NRXN3: variants seen among roughly 807,000 people sequenced by gnomAD.
NRXN3 encodes neurexin 3.
NRXN3 carries 32 observed loss-of-function variants against 137.6 expected under a neutral mutation model. That is an observed-to-expected ratio of 0.23 (90% CI 0.18 to 0.31). NRXN3 has a LOEUF of 0.31. Ranked by LOEUF, NRXN3 falls within the 10% of genes least tolerant of loss-of-function variation. The pLI is 1.00. For missense variants in NRXN3, 1,574 were observed against 2,062.5 expected, an observed-to-expected ratio of 0.76 and a Z score of 4.59; for synonymous variants, 798 against 784.5, an observed-to-expected ratio of 1.02 and a Z score of -0.29.
At chr14:79,672,998 A>G (rs2098618557) in intron 17 of NRXN3, among the ~76,000 whole-genome samples, 1 of 152,088 alleles carries the variant, frequency 6.6e-6, no homozygotes, top group Non-Finnish European at 1.5e-5. Context: ...ATACTTCTAT[A>G]AAGCAGAGAA....
chr14:79,586,274 A>C (rs1423671293), intron 16 of NRXN3, among the ~76,000 whole-genome samples: 2 of 152,260 alleles, frequency 1.3e-5, no homozygotes, highest in African/African-American at 4.8e-5. Context: ...TTTTATATGT[A>C]ATCATCTTGC....
chr14:78,709,177 A>G (rs772493387), intron 6 of NRXN3, 40 bp from the exon 7 acceptor site: 1 of 1,570,232 alleles, frequency 6.4e-7, no homozygotes, highest in Non-Finnish European at 8.6e-7. Context: ...TACTGTTTGC[A>G]AGATTGATTC....
chr14:79,467,817 T>C (rs573169363), intron 16 of NRXN3, among the ~76,000 whole-genome samples: 1 of 152,304 alleles, frequency 6.6e-6, no homozygotes, highest in South Asian at 2.1e-4. Flanking sequence ...TAGTAAATAT[T>C]TTGGACTTTG....
rs200030581 is a variant in NRXN3, at chr14:79,034,387, G to GA, written c.3262+46246_3262+46247insA. 9.8e-3 allele frequency among the ~76,000 whole-genome samples: 709 copies of GA among 72,118 alleles called. 6 individuals are homozygous for GA. Among genetic ancestry groups the GA allele is most frequent in the African/African-American group, 0.037 (658 of 17,616 alleles). 47.3% of individuals were successfully genotyped at this position (72,118 alleles called of 152,430 possible). A position where few individuals can be genotyped will look rare whatever the true frequency, so the allele number is the denominator to read the frequency against. ...ACACACACACACACACAGGTTTTTT[G>GA]GAAAAAAAACATGTTAAGAGAAGAC... On this transcript the variant is annotated intron_variant, in intron 15 of 20. Transcript: ENST00000335750.
At chr14:79,431,790 C>T (rs187898022) in intron 15 of NRXN3, among the ~76,000 whole-genome samples, 93 of 152,174 alleles carry the variant, frequency 6.1e-4, no homozygotes, top group African/African-American at 1.8e-3. Flanking sequence ...AAAAACTCTA[C>T]GCAGTATTAA....
At chr14:78,393,840 A>G (rs891870756) in intron 4 of NRXN3, among the ~76,000 whole-genome samples, 3 of 151,982 alleles carry the variant, frequency 2.0e-5, no homozygotes, top group Non-Finnish European at 4.4e-5. Flanking sequence ...TTTATATCTA[A>G]GTGCTTTAAG....
intron 6 of NRXN3, among the ~76,000 whole-genome samples, chr14:78,694,603 G>A (rs12890230): frequency 0.13 from 19,758 of 151,804 alleles, 1,636 homozygotes; most frequent in African/African-American, 0.2. Flanking sequence ...AAGTTATGGT[G>A]CCTTATGAGA....
At chr14:79,524,383 A>T (rs894608131) in intron 16 of NRXN3, among the ~76,000 whole-genome samples, 1 of 152,158 alleles carries the variant, frequency 6.6e-6, no homozygotes, top group African/African-American at 2.4e-5. Flanking sequence ...TTCTAAGTGG[A>T]CCTTACTTCT....
chr14:78,225,175 A>C (rs1235794981), intron 1 of NRXN3, among the ~76,000 whole-genome samples: 2 of 152,218 alleles, frequency 1.3e-5, no homozygotes, highest in African/African-American at 4.8e-5. Context: ...GAATCACCAC[A>C]CTGACTTCCA....
chr14:78,849,283 A>G (rs1333128700), intron 10 of NRXN3, among the ~76,000 whole-genome samples: 1 of 152,112 alleles, frequency 6.6e-6, no homozygotes, highest in African/African-American at 2.4e-5. Context: ...ATACACAAAC[A>G]TTATCTAAAT....
chr14:78,439,448 T>C (rs575446560), intron 4 of NRXN3, among the ~76,000 whole-genome samples: 1 of 152,274 alleles, frequency 6.6e-6, no homozygotes, highest in African/African-American at 2.4e-5. Context: ...TCTTTGGGAA[T>C]TGTCTTTTTT....
chr14:79,627,564 A>G (rs976379060), intron 16 of NRXN3, among the ~76,000 whole-genome samples: 2 of 152,166 alleles, frequency 1.3e-5, no homozygotes, highest in African/African-American at 4.8e-5. Flanking sequence ...AATTTGTGTT[A>G]TCTGTCATTA....
intron 19 of NRXN3, among the ~76,000 whole-genome samples, chr14:79,748,998 G>T (rs2098988482): frequency 6.6e-6 from 1 of 152,060 alleles, no homozygotes; most frequent in Non-Finnish European, 1.5e-5. Flanking sequence ...GAAGCTGATG[G>T]TATTTTTTTT....
At chr14:78,409,177 A>G (rs2092681656) in intron 4 of NRXN3, among the ~76,000 whole-genome samples, 1 of 152,244 alleles carries the variant, frequency 6.6e-6, no homozygotes, top group Admixed American at 6.5e-5. Flanking sequence ...CACAACCTGG[A>G]TGATGATGCC....
At chr14:78,680,064 T>C (rs2152739961) in intron 6 of NRXN3, among the ~76,000 whole-genome samples, 1 of 152,190 alleles carries the variant, frequency 6.6e-6, no homozygotes, top group South Asian at 2.1e-4. Flanking sequence ...ATATTTTATA[T>C]TGTGTATATA....
intron 15 of NRXN3, among the ~76,000 whole-genome samples, chr14:79,273,152 G>C (rs1334505733): frequency 4.2e-5 from 5 of 118,512 alleles, no homozygotes; most frequent in African/African-American, 1.4e-4. Context: ...AGCCAGGGCG[G>C]CAATGCAAGA....
intron 4 of NRXN3, among the ~76,000 whole-genome samples, chr14:78,427,481 G>A (rs1276703454): frequency 6.6e-6 from 1 of 152,174 alleles, no homozygotes; most frequent in Non-Finnish European, 1.5e-5. Context: ...AAGATCGATC[G>A]AAGCCTCTTT....
chr14:79,659,734 C>T (rs1011252242), intron 16 of NRXN3, among the ~76,000 whole-genome samples: 2 of 152,140 alleles, frequency 1.3e-5, no homozygotes, highest in African/African-American at 4.8e-5. Context: ...TCCCTCCACA[C>T]ATCTCTTTAT....
At chr14:79,706,259 A>G (rs181147361) in intron 19 of NRXN3, among the ~76,000 whole-genome samples, 45 of 152,270 alleles carry the variant, frequency 3.0e-4, no homozygotes, top group African/African-American at 9.6e-4. Context: ...ATAGTTTTCA[A>G]ATCACTTTTG....
Sources: gnomAD v4.1 joint callset for allele counts (sites outside exome capture counted in the v4.1 genomes callset) on GRCh38, gnomAD v4.1.1 for gene constraint, MANE v1.5 for transcripts, NCBI Gene and HGNC (gene_info 2026-07-23, HGNC 2026-07-21) for gene names.